Variants in CDH13 observed in about 807,000 individuals in gnomAD.
The protein encoded by CDH13 is cadherin-13.
A neutral mutation model predicts 63.8 loss-of-function variants in CDH13; 24 were observed. The ratio of observed to expected loss-of-function variants is 0.38; its 90% CI spans 0.27 to 0.53. CDH13 has a LOEUF of 0.53. Ranked by LOEUF, CDH13 falls within the 20% of genes least tolerant of loss-of-function variation. The pLI, the probability that CDH13 is intolerant of heterozygous loss-of-function variation, is 0.85. For synonymous variants in CDH13, 503 were observed against 355.3 expected, an observed-to-expected ratio of 1.42 and a Z score of -4.67; for missense variants, 1,049 against 903.1, an observed-to-expected ratio of 1.16 and a Z score of -2.07.
chr16:82,714,154 G>T (rs2032176485), intron 1 of CDH13, among the ~76,000 whole-genome samples: 1 of 152,120 alleles, frequency 6.6e-6, no homozygotes, highest in Non-Finnish European at 1.5e-5. Context: ...AGCAGCCACA[G>T]GACACTCATA....
chr16:83,072,850 T>C (rs1334402946), intron 3 of CDH13, among the ~76,000 whole-genome samples: 2 of 152,142 alleles, frequency 1.3e-5, no homozygotes, highest in African/African-American at 2.4e-5. Context: ...ATCCCCTACA[T>C]TGGAGGAAAG....
intron 3 of CDH13, among the ~76,000 whole-genome samples, chr16:83,106,777 G>C (rs1484738014): frequency 2.6e-5 from 4 of 152,190 alleles, no homozygotes; most frequent in Non-Finnish European, 5.9e-5. Context: ...CAACCTGGAA[G>C]GAAGTCCACT....
intron 6 of CDH13, among the ~76,000 whole-genome samples, chr16:83,454,678 A>C (rs1272174936): frequency 6.6e-6 from 1 of 151,318 alleles, no homozygotes; most frequent in Non-Finnish European, 1.5e-5. Context: ...ACTGTGTTTT[A>C]AGAAACCATA....
intron 7 of CDH13, among the ~76,000 whole-genome samples, chr16:83,526,365 C>T (rs1234079345): frequency 6.6e-6 from 1 of 152,182 alleles, no homozygotes; most frequent in Non-Finnish European, 1.5e-5. Context: ...TCATGGAAGA[C>T]AATTTTTCCA....
chr16:83,724,823 C>G (rs1910188170), intron 10 of CDH13, among the ~76,000 whole-genome samples: 1 of 152,180 alleles, frequency 6.6e-6, no homozygotes, highest in Non-Finnish European at 1.5e-5. Context: ...TATATTGTAA[C>G]CTGCAGCCAG....
At chr16:82,943,150 A>G (rs1904322617) in intron 2 of CDH13, among the ~76,000 whole-genome samples, 1 of 152,206 alleles carries the variant, frequency 6.6e-6, no homozygotes, top group Admixed American at 6.5e-5. Context: ...TAGCATTTAC[A>G]ATTATTGTCA....
At chr16:83,228,049 G>C (rs995636820) in intron 5 of CDH13, among the ~76,000 whole-genome samples, 5 of 152,148 alleles carry the variant, frequency 3.3e-5, no homozygotes, top group Non-Finnish European at 7.4e-5. Flanking sequence ...CTTGGTCCAG[G>C]AAGGCCCTCC....
At chr16:83,487,058 C>G (rs935134400) in intron 7 of CDH13, among the ~76,000 whole-genome samples, 5 of 152,122 alleles carry the variant, frequency 3.3e-5, no homozygotes, top group African/African-American at 1.2e-4. Context: ...GTTGCAGAGT[C>G]AAATGCCCAT....
At chr16:82,829,667 G>A (rs1164329244) in intron 1 of CDH13, 4 of 151,996 alleles carry the variant, frequency 2.6e-5, no homozygotes, top group African/African-American at 9.7e-5. Context: ...GTTTTACATT[G>A]TTTGGTATGT....
At chr16:83,008,020 C>A (rs1002223083) in intron 2 of CDH13, among the ~76,000 whole-genome samples, 1 of 152,132 alleles carries the variant, frequency 6.6e-6, no homozygotes, top group Non-Finnish European at 1.5e-5. Context: ...ATTGATGGAT[C>A]ATAGTTGCTA....
intron 4 of CDH13, among the ~76,000 whole-genome samples, chr16:83,158,573 C>A (rs993819216): frequency 8.5e-5 from 13 of 152,180 alleles, no homozygotes; most frequent in Non-Finnish European, 1.5e-4. Flanking sequence ...CATCTACGGG[C>A]GCACTGTTCA....
intron 2 of CDH13, among the ~76,000 whole-genome samples, chr16:82,951,107 A>T (rs1354136070): frequency 2.0e-5 from 3 of 152,142 alleles, no homozygotes; most frequent in Non-Finnish European, 2.9e-5. Context: ...GTGAGGGCAC[A>T]GGTCACAATG....
intron 3 of CDH13, among the ~76,000 whole-genome samples, chr16:83,076,021 A>C (rs187455745): frequency 2.6e-5 from 4 of 152,346 alleles, no homozygotes; most frequent in Admixed American, 2.6e-4. Flanking sequence ...GAAGTATGCA[A>C]AATGGCTGAA....
At chr16:83,398,657 G>T (rs966145820) in intron 6 of CDH13, among the ~76,000 whole-genome samples, 1 of 152,040 alleles carries the variant, frequency 6.6e-6, no homozygotes, top group African/African-American at 2.4e-5. Flanking sequence ...CTGAGATTAT[G>T]CTTTTTTGTA....
chr16:83,494,366 T>G (rs2074087944), intron 7 of CDH13, among the ~76,000 whole-genome samples: 1 of 152,130 alleles, frequency 6.6e-6, no homozygotes, highest in Non-Finnish European at 1.5e-5. Context: ...TTTTGCTTCA[T>G]CAAGAGATTT....
At chr16:83,092,610 T>C (rs144585912) in intron 3 of CDH13, among the ~76,000 whole-genome samples, 53 of 152,354 alleles carry the variant, frequency 3.5e-4, no homozygotes, top group Admixed American at 9.8e-4. Flanking sequence ...CTTCTTTTAT[T>C]ACTACTTCTT....
chr16:83,172,827 T>C (rs1315317740), intron 4 of CDH13, among the ~76,000 whole-genome samples: 1 of 152,120 alleles, frequency 6.6e-6, no homozygotes, highest in East Asian at 1.9e-4. Context: ...AGCTTCCTTC[T>C]GAATGTGGAT....
At chr16:83,524,423 A>G (rs146600150) in intron 7 of CDH13, among the ~76,000 whole-genome samples, 108 of 145,800 alleles carry the variant, frequency 7.4e-4, no homozygotes, top group African/African-American at 2.5e-3. Context: ...AGAGTCATGA[A>G]TTTCATGTCT....
intron 2 of CDH13, among the ~76,000 whole-genome samples, chr16:82,874,931 G>A (rs1597868915): frequency 6.6e-6 from 1 of 152,202 alleles, no homozygotes; most frequent in African/African-American, 2.4e-5. Flanking sequence ...TCATGGGGAT[G>A]TGTGGCCAGG....
Sources: allele counts gnomAD v4.1 joint callset (sites outside exome capture counted in the v4.1 genomes callset), GRCh38; gene constraint gnomAD v4.1.1; transcripts MANE v1.5; gene names NCBI Gene and HGNC (gene_info 2026-07-23, HGNC 2026-07-21).